Variants in MSRA observed in about 807,000 individuals in gnomAD.
MSRA encodes the protein methionine sulfoxide reductase A.
MSRA carries 54 observed loss-of-function variants against 31.3 expected under a neutral mutation model. The observed-to-expected ratio is 1.73, with a 90% CI of 1.39 to 2.17. The LOEUF (loss-of-function observed/expected upper bound fraction) is 2.17, where lower values mean the gene tolerates loss of function less well. Ranked by LOEUF, MSRA falls within the 30% of genes most tolerant of loss-of-function variation. The probability of loss-of-function intolerance (pLI) is 0.00; values close to 1 mark genes in which losing one functional copy is unlikely to be tolerated. For missense variants in MSRA, 507 were observed against 300.9 expected (o/e 1.69, Z -5.07); for synonymous variants, 169 against 116.5 (o/e 1.45, Z -2.90).
At chr8:10,230,504 A>G (rs964757473) in intron 2 of MSRA, among the ~76,000 whole-genome samples, 18 of 152,336 alleles carry the variant, frequency 1.2e-4, no homozygotes, top group Admixed American at 4.6e-4. Context: ...AAAGTAATGC[A>G]TGCTCATTAC....
At chr8:10,350,494 A>G in intron 5 of MSRA, among the ~76,000 whole-genome samples, 1 of 152,214 alleles carries the variant, frequency 6.6e-6, no homozygotes, top group East Asian at 1.9e-4. Context: ...CTACTCTGAC[A>G]TCCAGTGAAT....
intron 1 of MSRA, among the ~76,000 whole-genome samples, chr8:10,183,772 CTGG>C (rs144951163): frequency 0.39 from 54,816 of 141,596 alleles, 10,513 homozygotes; most frequent in East Asian, 0.45. Context: ...ACAAGCTGAG[CTGG>C]TGGTGGTGGT....
In MSRA at chr8:10,155,002, T is replaced by TATATATA. The variant is rs1554468813; in HGVS notation, c.143-52831_143-52830insATATATA. 2.4e-4 allele frequency among the ~76,000 whole-genome samples: 30 copies of TATATATA among 123,990 alleles called. 2 individuals are homozygous for TATATATA. Among genetic ancestry groups the TATATATA allele is most frequent in the Admixed American group, 1.7e-3 (21 of 12,358 alleles). 81.3% of individuals were successfully genotyped at this position (123,990 alleles called of 152,430 possible). The stretch of plus-strand genomic sequence containing the variant: ...AATAGTTTGATAATGTGTATATATT[T>TATATATA]TATATATATATAGGTTTTACCTTGC... On this transcript the variant is annotated intron_variant, in intron 1 of 5. Transcript: ENST00000317173.
At chr8:10,321,699 A>G (rs1229502597) in intron 5 of MSRA, among the ~76,000 whole-genome samples, 1 of 152,178 alleles carries the variant, frequency 6.6e-6, no homozygotes, top group Non-Finnish European at 1.5e-5. Flanking sequence ...CGCGTGAGAG[A>G]TGGTAGGGGA....
At chr8:10,251,560 G>A (rs565927994) in intron 3 of MSRA, among the ~76,000 whole-genome samples, 2 of 152,148 alleles carry the variant, frequency 1.3e-5, no homozygotes, top group South Asian at 4.2e-4. Flanking sequence ...CCTTAAACTT[G>A]TAGCAGGCAG....
chr8:10,283,836 T>TATATAC (rs1261287031), intron 3 of MSRA, among the ~76,000 whole-genome samples: 787 of 53,000 alleles, frequency 0.015, 11 homozygotes, highest in Non-Finnish European at 0.019. Context: ...TATATATATA[T>TATATAC]ACACACACAC....
At chr8:10,333,404 G>T (rs1057361642) in intron 5 of MSRA, among the ~76,000 whole-genome samples, 1 of 152,196 alleles carries the variant, frequency 6.6e-6, no homozygotes, top group Non-Finnish European at 1.5e-5. Flanking sequence ...TGAAGAGCAG[G>T]AAATGGAACC....
At chr8:10,228,224 C>T (rs545575018) in intron 2 of MSRA, among the ~76,000 whole-genome samples, 3 of 152,136 alleles carry the variant, frequency 2.0e-5, no homozygotes, top group Admixed American at 6.5e-5. Context: ...CAGCTGTAGC[C>T]GGAATTGAGG....
chr8:10,172,696 C>T (rs1015357448), intron 1 of MSRA, among the ~76,000 whole-genome samples: 1 of 152,138 alleles, frequency 6.6e-6, no homozygotes, highest in African/African-American at 2.4e-5. Flanking sequence ...GGCCCAAAGT[C>T]TCCCATGATG....
rs900889974 is a variant in MSRA, at chr8:10,417,100, G to A, written c.544-11048G>A. Among the ~76,000 whole-genome samples, 7 of 152,292 alleles carry A rather than the reference G, an allele frequency of 4.6e-5. No individual in the cohort carries two copies. The East Asian group carries it at 1.4e-3, about 29-fold the overall frequency. ...AGAAGCCCCATCCGTCCAGCTAGAG[G>A]CCGTGCATTTGCATAAGCAGGTCTC... On this transcript the variant is annotated intron_variant, in intron 5 of 5. Transcript: ENST00000317173.
chr8:10,193,814 C>T (rs962080729), intron 1 of MSRA, among the ~76,000 whole-genome samples: 3 of 152,008 alleles, frequency 2.0e-5, no homozygotes, highest in Admixed American at 6.5e-5. Context: ...ATGACAGGTC[C>T]TTAGAAGAAA....
chr8:10,165,101 T>G (rs1248890581), intron 1 of MSRA, among the ~76,000 whole-genome samples: 2 of 152,086 alleles, frequency 1.3e-5, no homozygotes, highest in African/African-American at 4.8e-5. Context: ...AGTCCGGGTG[T>G]TAATATTTTA....
chr8:10,141,091 C>A (rs751399796), intron 1 of MSRA, among the ~76,000 whole-genome samples: 1 of 152,200 alleles, frequency 6.6e-6, no homozygotes, highest in Non-Finnish European at 1.5e-5. Flanking sequence ...CAAAGGCACT[C>A]AAATCCAACA....
intron 1 of MSRA, chr8:10,095,747 G>C (rs1381972131): frequency 8.9e-7 from 1 of 1,126,848 alleles, no homozygotes; most frequent in Non-Finnish European, 1.1e-6. Flanking sequence ...GGCTTTTTAA[G>C]TCTCTTGGGC....
At chr8:10,099,801 TG>T (rs1303230203) in intron 1 of MSRA, among the ~76,000 whole-genome samples, 1 of 152,138 alleles carries the variant, frequency 6.6e-6, no homozygotes, top group African/African-American at 2.4e-5. Flanking sequence ...TTGCCTGGTG[TG>T]GGGTGGCCCT....
Position 10,428,459 on chromosome 8 carries a change from A to G in MSRA, c.*147A>G. On this transcript the variant is annotated 3_prime_UTR_variant, in exon 6 of 6. Transcript: ENST00000317173. The stretch of plus-strand genomic sequence containing the variant: ...GATTGGGTTTACCGAAGTATAATCT[A>G]TAGGAGGCGCGATGGCAAGTTGATA... 3 of 836,068 alleles carry G rather than the reference A, an allele frequency of 3.6e-6. No individual in the cohort carries two copies. The highest frequency in any genetic ancestry group is 5.7e-5 in the Admixed American group (2 of 34,902). 51.8% of individuals were successfully genotyped at this position (836,068 alleles called of 1,614,324 possible).
intron 3 of MSRA, among the ~76,000 whole-genome samples, chr8:10,249,163 G>C (rs1797786347): frequency 1.3e-5 from 2 of 152,158 alleles, no homozygotes; most frequent in Admixed American, 6.5e-5. Flanking sequence ...TCCATACTCT[G>C]TAAAACTTTC....
chr8:10,231,989 G>C (rs1018411591), intron 2 of MSRA, among the ~76,000 whole-genome samples: 1 of 152,192 alleles, frequency 6.6e-6, no homozygotes, highest in Non-Finnish European at 1.5e-5. Flanking sequence ...AACAGGCAAA[G>C]CCAGTTTGTT....
chr8:10,124,597 C>T (rs890093197), intron 1 of MSRA, among the ~76,000 whole-genome samples: 6 of 152,142 alleles, frequency 3.9e-5, no homozygotes, highest in Non-Finnish European at 8.8e-5. Context: ...TTATGAGACA[C>T]CAGTCAGTAA....
Sources: gnomAD v4.1 joint callset for allele counts (sites outside exome capture counted in the v4.1 genomes callset) on GRCh38, gnomAD v4.1.1 for gene constraint, MANE v1.5 for transcripts, NCBI Gene and HGNC (gene_info 2026-07-23, HGNC 2026-07-21) for gene names.